UBQLNL: variants seen among roughly 807,000 people sequenced by gnomAD.
The protein encoded by UBQLNL is ubiquilin-like protein.
For missense variants in UBQLNL, 589 were observed against 567.1 expected, an observed-to-expected ratio of 1.04 and a Z score of -0.39; for synonymous variants, 223 against 209.7, an observed-to-expected ratio of 1.06 and a Z score of -0.55.
In UBQLNL at chr11:5,516,152, T is replaced by A; in HGVS notation, c.290A>T (p.Tyr97Phe). ...QRGIMDGHTI[Y>F]LVIKSKQGSR... Reference sequence around the variant, plus strand: ...GCCCTGCTTGGACTTGATGACCAAGTAGATGGTGTGGCCATCCATGATGCC... The same window carrying A: ...GCCCTGCTTGGACTTGATGACCAAGAAGATGGTGTGGCCATCCATGATGCC... The change falls in exon 1 of 1, where the codon TAC becomes TTC. Residue 97 changes from tyrosine (Y) to phenylalanine (F), a missense_variant. Coordinates refer to ENST00000380184, the MANE Select transcript of UBQLNL (RefSeq NM_145053.5). The A allele has an allele frequency of 1.9e-6, 3 of 1,614,156 alleles. No individual in the cohort carries two copies. The highest frequency in any genetic ancestry group is 2.5e-6 in the Non-Finnish European group (3 of 1,180,004).
rs904846826 is a variant in UBQLNL, at chr11:5,515,039, T to C, written c.1403A>G (p.Gln468Arg). The C allele has an allele frequency of 8.1e-6, 13 of 1,613,898 alleles. No homozygotes were observed. Among genetic ancestry groups the C allele is most frequent in the Non-Finnish European group, 1.1e-5 (13 of 1,179,998 alleles). Residue 468 changes from glutamine (Q) to arginine (R), a missense_variant, in exon 1 of 1, where the codon CAG becomes CGG. Physicochemically the swap from Gln to Arg is conservative, Grantham distance 43. Transcript: ENST00000380184. ...QQLPTFLQQT[Q>R]ISDLLSA Reference sequence around the variant, plus strand: ...CTAAGCACTAAGCAGATCAGAAATCTGTGTCTGCTGCAGGAATGTGGGCAG... The same window carrying C: ...CTAAGCACTAAGCAGATCAGAAATCCGTGTCTGCTGCAGGAATGTGGGCAG...
In UBQLNL at chr11:5,516,087, T is replaced by C. The variant is rs752342835; in HGVS notation, c.355A>G (p.Asn119Asp). 12 of 1,613,978 alleles carry C rather than the reference T, an allele frequency of 7.4e-6. No individual in the cohort carries two copies. The highest frequency in any genetic ancestry group is 7.6e-6 in the Non-Finnish European group (9 of 1,179,916). The stretch of plus-strand genomic sequence containing the variant: ...TTTCTGTCCCGGTGGCAGGGATCAT[T>C]CGTTGGCAGGTCCCGGAAGGAATGG... ...LAHSFRDLPT[N>D]DPCHRDRNTK... is the part of the protein sequence containing the mutation. Residue 119 changes from asparagine (N) to aspartate (D), a missense_variant, in exon 1 of 1, where the codon AAT becomes GAT. By Grantham distance (23) the Asn-to-Asp change is conservative. Coordinates refer to ENST00000380184, the MANE Select transcript of UBQLNL (RefSeq NM_145053.5).
Position 5,514,916 on chromosome 11 carries a change from G to A in UBQLNL, c.*98C>T, listed in dbSNP as rs1344533282. 1.0e-5 allele frequency: 13 copies of A among 1,271,180 alleles called. No homozygotes were observed. The highest frequency in any genetic ancestry group is 1.4e-5 in the Non-Finnish European group (13 of 915,798). The allele number at this position is 1,271,180 out of a possible 1,614,324, so 78.7% of individuals were successfully genotyped here. ...CAGGAAGCCAACCCAGGCCCCATAG[G>A]TAGGGTGCAACCCAAGGCAGAAGAA... On this transcript the variant is annotated 3_prime_UTR_variant, in exon 1 of 1. Coordinates refer to ENST00000380184, the MANE Select transcript of UBQLNL (RefSeq NM_145053.5).
Position 5,515,953 on chromosome 11 carries a change from G to A in UBQLNL, c.489C>T (p.Asn163=), listed in dbSNP as rs137908718. The change falls in exon 1 of 1, where the codon AAC becomes AAT. Residue 163 remains asparagine (N), a synonymous_variant. Coordinates refer to ENST00000380184, the MANE Select transcript of UBQLNL (RefSeq NM_145053.5). ...GSDAPKVHTQ[N]LEVSHPECKA... Reference sequence around the variant, plus strand: ...TGCACTCTGGGTGGCTCACTTCCAAGTTTTGGGTATGCACTTTGGGTGCAT... The same window carrying A: ...TGCACTCTGGGTGGCTCACTTCCAAATTTTGGGTATGCACTTTGGGTGCAT... 5.4e-5 allele frequency: 87 copies of A among 1,614,050 alleles called. No homozygotes were observed. Among genetic ancestry groups the A allele is most frequent in the Non-Finnish European group, 7.1e-5 (84 of 1,180,020 alleles).
In UBQLNL at chr11:5,515,597, A is replaced by C; in HGVS notation, c.845T>G (p.Leu282Arg). ...TCCAAAAGGATCTTGCATGCTGTTCAGCATTTGATCATTGATATCAGCATA... is the reference window on the plus strand; with the variant it reads ...TCCAAAAGGATCTTGCATGCTGTTCCGCATTTGATCATTGATATCAGCATA... ...QNYADINDQM[L>R]NSMQDPFGGN... The change falls in exon 1 of 1, where the codon CTG (leucine) becomes CGG (arginine). Residue 282 changes from leucine to arginine, a missense_variant. Transcript: ENST00000380184. 1 of 1,614,144 alleles carries C rather than the reference A, an allele frequency of 6.2e-7. No homozygotes were observed. The highest frequency in any genetic ancestry group is 8.5e-7 in the Non-Finnish European group (1 of 1,180,014).
chr11:5,516,493 G>A lies in UBQLNL; in HGVS notation c.-52C>T. On this transcript the variant is annotated 5_prime_UTR_variant, in exon 1 of 1. Coordinates refer to ENST00000380184, the MANE Select transcript of UBQLNL (RefSeq NM_145053.5). ...AGCAGGTGGAAGCTGGGGCAGAAAG[G>A]GTGAGGGCAGACAAATGTTTCTGCT... The A allele has an allele frequency of 2.0e-6, 3 of 1,485,944 alleles. No homozygotes were observed. The highest frequency in any genetic ancestry group is 1.9e-6 in the Non-Finnish European group (2 of 1,074,438). 92.0% of individuals were successfully genotyped at this position (1,485,944 alleles called of 1,614,324 possible).
rs368343827 is a variant in UBQLNL at position 5,516,088 on chromosome 11, C to T, written c.354G>A (p.Thr118=). The change falls in exon 1 of 1, where the codon ACG becomes ACA. Residue 118 remains threonine (T), a synonymous_variant. Transcript: ENST00000380184. ...TTCTGTCCCGGTGGCAGGGATCATT[C>T]GTTGGCAGGTCCCGGAAGGAATGGG... ...SLAHSFRDLP[T]NDPCHRDRNT... is the part of the protein sequence containing the mutation. The T allele has an allele frequency of 1.1e-5, 17 of 1,613,826 alleles. No homozygotes were observed. The highest frequency in any genetic ancestry group is 5.0e-5 in the Admixed American group (3 of 59,990).
At position 5,515,366 on chromosome 11, in the gene UBQLNL, T is replaced by C. The variant is rs1430454390; in HGVS notation, c.1076A>G (p.Asn359Ser). The change falls in exon 1 of 1, where the codon AAC becomes AGC. Residue 359 changes from asparagine (N) to serine (S), a missense_variant. By Grantham distance (46) the Asn-to-Ser change is conservative. Transcript: ENST00000380184. ...LNKVNHTSKA[N>S]TAMISTKGQS... ...GCCCTTGGTGGAAATCATAGCAGTGTTGGCTTTGGAAGTGTGGTTGACCTT... is the reference window on the plus strand; with the variant it reads ...GCCCTTGGTGGAAATCATAGCAGTGCTGGCTTTGGAAGTGTGGTTGACCTT... 1 of 1,614,106 alleles carries C rather than the reference T, an allele frequency of 6.2e-7. No homozygotes were observed. Among genetic ancestry groups the C allele is most frequent in the East Asian group, 2.2e-5 (1 of 44,876 alleles).
Position 5,515,847 on chromosome 11 carries a change from G to C in UBQLNL, c.595C>G (p.Leu199Val). The C allele has an allele frequency of 1.2e-6, 2 of 1,614,168 alleles. No homozygotes were observed. Among genetic ancestry groups the C allele is most frequent in the Non-Finnish European group, 1.7e-6 (2 of 1,180,030 alleles). Residue 199 changes from leucine to valine, a missense_variant, in exon 1 of 1, where the codon CTA becomes GTA. Physicochemically the swap from Leu to Val is conservative, Grantham distance 32 (BLOSUM62 1). Coordinates refer to ENST00000380184, the MANE Select transcript of UBQLNL (RefSeq NM_145053.5). ...TGCTGCATCAATTGTTGCGTGTCTA[G>C]ATGTTCTGAAATGAACTGCCACATG... is the stretch of plus-strand genomic sequence containing the variant. Reference protein sequence around the residue: ...EFMWQFISEHLDTQQLMQQNP... With the variant: ...EFMWQFISEHVDTQQLMQQNP...
chr11:5,516,650 C>T lies in UBQLNL; in HGVS notation c.-209G>A. 1.7e-6 allele frequency: 1 copy of T among 572,766 alleles called. No homozygotes were observed. Among genetic ancestry groups the T allele is most frequent in the Non-Finnish European group, 3.2e-6 (1 of 313,876 alleles). The allele number at this position is 572,766 out of a possible 1,614,324, so 35.5% of individuals were successfully genotyped here. A position where few individuals can be genotyped will look rare whatever the true frequency, so the allele number is the denominator to read the frequency against. ...CTCACCCCAGTTCTCCAGATGTGGC[C>T]CAGCTGAGGCCTGGCATAGCTACTG... On this transcript the variant is annotated 5_prime_UTR_variant, in exon 1 of 1. The change creates a premature stop within an existing upstream ORF in the 5' untranslated region. Transcript: ENST00000380184.
In UBQLNL at chr11:5,515,479, G is replaced by C. The variant is rs189066178; in HGVS notation, c.963C>G (p.Asp321Glu). 1 of 1,614,182 alleles carries C rather than the reference G, an allele frequency of 6.2e-7. No homozygotes were observed. The highest frequency in any genetic ancestry group is 8.5e-7 in the Non-Finnish European group (1 of 1,180,026). The change falls in exon 1 of 1, where the codon GAC (aspartate) becomes GAG (glutamate). Residue 321 changes from aspartate (D) to glutamate (E), a missense_variant. Coordinates refer to ENST00000380184, the MANE Select transcript of UBQLNL (RefSeq NM_145053.5). The part of the protein sequence containing the change: ...PPPPPSQEQQ[D>E]QLTQHPATRV... ...GGGTTGCAGGATGCTGTGTGAGCTG[G>C]TCTTGTTGTTCCTGTGATGGTGGTG...
Position 5,516,007 on chromosome 11 carries a change from T to C in UBQLNL, c.435A>G (p.Pro145=). ...ACCCCACAAAGTGGGCCAGTTCCAC[T>C]GGAGCTTGATTCATACCAGTTGGTT... ...VHQPTGMNQA[P]VELAHFVGSD... The change falls in exon 1 of 1, where the codon CCA becomes CCG. Residue 145 remains proline, a synonymous_variant. Coordinates refer to ENST00000380184, the MANE Select transcript of UBQLNL (RefSeq NM_145053.5). 5.0e-6 allele frequency: 8 copies of C among 1,614,170 alleles called. No homozygotes were observed. The highest frequency in any genetic ancestry group is 4.5e-5 in the East Asian group (2 of 44,860).
At position 5,516,577 on chromosome 11, in the gene UBQLNL, A is replaced by G; in HGVS notation, c.-136T>C. The G allele has an allele frequency of 1.3e-6, 1 of 751,230 alleles. No individual in the cohort carries two copies. The highest frequency in any genetic ancestry group is 1.9e-5 in the South Asian group (1 of 53,982). 46.5% of individuals were successfully genotyped at this position (751,230 alleles called of 1,614,324 possible). On this transcript the variant is annotated 5_prime_UTR_variant, in exon 1 of 1. Transcript: ENST00000380184. ...CAGGATAGTTTCCTTGTTGCCCTAA[A>G]AGGGATGAGTGACCAGACTGGGGCC... is the stretch of plus-strand genomic sequence containing the variant.
chr11:5,516,071 C>T lies in UBQLNL; in HGVS notation c.371G>A (p.Arg124Gln), dbSNP rs376579289. ...GCTGTTTCCTTTGGTGTTTCTGTCC[C>T]GGTGGCAGGGATCATTCGTTGGCAG... Reference protein sequence around the residue: ...RDLPTNDPCHRDRNTKGNSSR... With the variant: ...RDLPTNDPCHQDRNTKGNSSR... Residue 124 changes from arginine to glutamine, a missense_variant, in exon 1 of 1, where the codon CGG (arginine) becomes CAG (glutamine). Transcript: ENST00000380184. 2.1e-5 allele frequency: 34 copies of T among 1,613,768 alleles called. 1 individual carries two copies. Among genetic ancestry groups the T allele is most frequent in the South Asian group, 3.3e-5 (3 of 91,038 alleles).
Position 5,515,754 on chromosome 11 carries a change from T to C in UBQLNL, c.688A>G (p.Arg230Gly), listed in dbSNP as rs1425318079. 21 of 1,614,052 alleles carry C rather than the reference T, an allele frequency of 1.3e-5. No individual in the cohort carries two copies. Among genetic ancestry groups the C allele is most frequent in the Non-Finnish European group, 1.8e-5 (21 of 1,180,034 alleles). The change falls in exon 1 of 1, where the codon AGG becomes GGG. Residue 230 changes from arginine (R) to glycine (G), a missense_variant. Coordinates refer to ENST00000380184, the MANE Select transcript of UBQLNL (RefSeq NM_145053.5). ...EILLQTLELA[R>G]NLAMIQEIMQ... ...ATCTCTTGGATCATAGCAAGGTTCCTGGCCAGCTCCAGAGTCTGCAATAGG... is the reference window on the plus strand; with the variant it reads ...ATCTCTTGGATCATAGCAAGGTTCCCGGCCAGCTCCAGAGTCTGCAATAGG...
Position 5,514,853 on chromosome 11 carries a change from G to T in UBQLNL, c.*161C>A. ...GCTCAGCTGTATCTGAAACATTCCAGGAACAGGGCACTGTGTCAGGATAGC... is the reference window on the plus strand; with the variant it reads ...GCTCAGCTGTATCTGAAACATTCCATGAACAGGGCACTGTGTCAGGATAGC... On this transcript the variant is annotated 3_prime_UTR_variant, in exon 1 of 1. Transcript: ENST00000380184. 1.5e-6 allele frequency: 1 copy of T among 686,814 alleles called. No individual in the cohort carries two copies. Among genetic ancestry groups the T allele is most frequent in the Non-Finnish European group, 2.5e-6 (1 of 404,682 alleles). The allele number at this position is 686,814 out of a possible 1,614,324, so 42.5% of individuals were successfully genotyped here. A position where few individuals can be genotyped will look rare whatever the true frequency, so the allele number is the denominator to read the frequency against.
Position 5,516,499 on chromosome 11 carries a change from G to T in UBQLNL, c.-58C>A. 1 of 1,451,268 alleles carries T rather than the reference G, an allele frequency of 6.9e-7. No individual in the cohort carries two copies. Among genetic ancestry groups the T allele is most frequent in the Non-Finnish European group, 9.6e-7 (1 of 1,046,616 alleles). The allele number at this position is 1,451,268 out of a possible 1,614,324, so 89.9% of individuals were successfully genotyped here. ...TGGAAGCTGGGGCAGAAAGGGTGAG[G>T]GCAGACAAATGTTTCTGCTGGCCTT... On this transcript the variant is annotated 5_prime_UTR_variant, in exon 1 of 1. Transcript: ENST00000380184.
chr11:5,516,600 G>T lies in UBQLNL; in HGVS notation c.-159C>A. The T allele has an allele frequency of 1.5e-6, 1 of 661,030 alleles. No individual in the cohort carries two copies. Among genetic ancestry groups the T allele is most frequent in the Non-Finnish European group, 2.6e-6 (1 of 380,200 alleles). The allele number at this position is 661,030 out of a possible 1,614,324, so 40.9% of individuals were successfully genotyped here. A position where few individuals can be genotyped will look rare whatever the true frequency, so the allele number is the denominator to read the frequency against. ...AAAAGGGATGAGTGACCAGACTGGGGCCAGATATTTTGTGATGTTGTGCCC... is the reference window on the plus strand; with the variant it reads ...AAAAGGGATGAGTGACCAGACTGGGTCCAGATATTTTGTGATGTTGTGCCC... On this transcript the variant is annotated 5_prime_UTR_variant, in exon 1 of 1. Transcript: ENST00000380184.
In UBQLNL at chr11:5,516,531, A is replaced by G. The variant is rs1169214160; in HGVS notation, c.-90T>C. On this transcript the variant is annotated 5_prime_UTR_variant, in exon 1 of 1. Coordinates refer to ENST00000380184, the MANE Select transcript of UBQLNL (RefSeq NM_145053.5). ...AAATGTTTCTGCTGGCCTTTGTCTC[A>G]GGTATTGTGCTCTCAGGCCACAGGA... The G allele has an allele frequency of 4.3e-6, 5 of 1,173,106 alleles. No homozygotes were observed. The highest frequency in any genetic ancestry group is 5.0e-6 in the Non-Finnish European group (4 of 807,988). 72.7% of individuals were successfully genotyped at this position (1,173,106 alleles called of 1,614,324 possible).
Sources: gnomAD v4.1 joint callset for allele counts on GRCh38, gnomAD v4.1.1 for gene constraint, MANE v1.5 for transcripts, NCBI Gene and HGNC (gene_info 2026-07-23, HGNC 2026-07-21) for gene names.